The following ZCCHC4 variants were observed in gnomAD, a reference collection of about 807,000 sequenced individuals.
The protein encoded by ZCCHC4 is zinc finger CCHC-type containing 4.
A neutral mutation model predicts 67.7 loss-of-function variants in ZCCHC4; 54 were observed. That is an observed-to-expected ratio of 0.80 (90% CI 0.64 to 1.00). The LOEUF (loss-of-function observed/expected upper bound fraction) is 1.00, where lower values mean the gene tolerates loss of function less well. ZCCHC4 is among the 50% of genes least tolerant of loss of function. The pLI, the probability that ZCCHC4 is intolerant of heterozygous loss-of-function variation, is 0.00. For missense variants in ZCCHC4, 609 were observed against 617.0 expected, an observed-to-expected ratio of 0.99 and a Z score of 0.14; for synonymous variants, 198 against 213.5, an observed-to-expected ratio of 0.93 and a Z score of 0.63.
Position 25,321,211 on chromosome 4 carries a change from G to A in ZCCHC4, c.329+5811G>A, listed in dbSNP as rs368874341. On this transcript the variant is annotated intron_variant, in intron 3 of 12. Coordinates refer to ENST00000302874, the MANE Select transcript of ZCCHC4 (RefSeq NM_024936.3). ...TTCTCTCTCTTTCACTCTTGCTGCC[G>A]CTCTTTCTTCCTTTCCTTTTCTTTC... Among the ~76,000 whole-genome samples, 36 of 150,658 alleles carry A rather than the reference G, an allele frequency of 2.4e-4. No homozygotes were observed. The East Asian group carries it at 2.9e-3, about 12-fold the overall frequency.
intron 8 of ZCCHC4, among the ~76,000 whole-genome samples, chr4:25,356,547 G>A (rs1272844341): frequency 6.6e-6 from 1 of 151,680 alleles, no homozygotes; most frequent in Non-Finnish European, 1.5e-5. Context: ...TAACCATAAA[G>A]AAATTGTTCT....
chr4:25,333,294 TA>T lies in ZCCHC4; in HGVS notation c.443del (p.Asn148MetfsTer7). On this transcript the variant is annotated frameshift_variant, in exon 4 of 13. Transcript: ENST00000302874. LOFTEE classifies it high-confidence loss of function. ...AACATAGTGAGCATCAGGTTCTGGG[TA>T]ATGTGTCCATTACCCAGTTAAGAAG... ...GQHSEHQVLGNVSITQLRRPS... is the reference protein window; with the variant it reads ...GQHSEHQVLGXVSITQLRRPS... 1 of 1,614,142 alleles carries T rather than the reference TA, an allele frequency of 6.2e-7. No individual in the cohort carries two copies. The highest frequency in any genetic ancestry group is 8.5e-7 in the Non-Finnish European group (1 of 1,180,004).
At chr4:25,336,275 A>G (rs1053803609) in intron 5 of ZCCHC4, among the ~76,000 whole-genome samples, 1 of 152,112 alleles carries the variant, frequency 6.6e-6, no homozygotes, top group African/African-American at 2.4e-5. Context: ...ACTTAGCATC[A>G]TGTTTTCAAG....
rs1241294387 is a variant in ZCCHC4 at position 25,322,170 on chromosome 4, ATTTG to A, written c.329+6782_329+6785del. The stretch of plus-strand genomic sequence containing the variant: ...AGGCTGACAGGCTCTCTTTTTATTT[ATTTG>A]TTTGTTTGTTTTTGAGGTAGGGTCT... On this transcript the variant is annotated intron_variant, in intron 3 of 12. Transcript: ENST00000302874. Among the ~76,000 whole-genome samples the A allele has an allele frequency of 1.1e-4, 16 of 152,162 alleles. No homozygotes were observed. The East Asian group carries it at 2.9e-3, about 28-fold the overall frequency.
rs533007348 is a variant in ZCCHC4 at position 25,369,147 on chromosome 4, C to G, written c.1525C>G (p.Gln509Glu). ...RRKKRRERAH[Q>E]YLGS ...AAAGAAAAGGAGGGAAAGAGCCCAT[C>G]AATATCTTGGCTCTTAAATGTCCAG... Residue 509 changes from glutamine (Q) to glutamate (E), a missense_variant, in exon 13 of 13, where the codon CAA (glutamine) becomes GAA (glutamate). Coordinates refer to ENST00000302874, the MANE Select transcript of ZCCHC4 (RefSeq NM_024936.3). The G allele has an allele frequency of 6.2e-7, 1 of 1,612,676 alleles. No homozygotes were observed. The highest frequency in any genetic ancestry group is 1.1e-5 in the South Asian group (1 of 90,664).
Position 25,369,035 on chromosome 4 carries a change from C to T in ZCCHC4, c.1413C>T (p.Val471=). Reference sequence around the variant, plus strand: ...TTAGCACCTTGTTTTCCAGAGCTGTCAGAAAGCAGAAGCAAAGAAAAAGTA... The same window carrying T: ...TTAGCACCTTGTTTTCCAGAGCTGTTAGAAAGCAGAAGCAAAGAAAAAGTA... ...IATSKRANKA[V]RKQKQRKSNK... The change falls in exon 13 of 13, where the codon GTC becomes GTT. Residue 471 remains valine, a synonymous_variant. Coordinates refer to ENST00000302874, the MANE Select transcript of ZCCHC4 (RefSeq NM_024936.3). The T allele has an allele frequency of 1.9e-6, 3 of 1,609,330 alleles. No homozygotes were observed. The highest frequency in any genetic ancestry group is 2.5e-6 in the Non-Finnish European group (3 of 1,178,948).
intron 7 of ZCCHC4, 132 bp downstream of exon 7, chr4:25,349,774 A>C: frequency 1.1e-6 from 1 of 926,758 alleles, no homozygotes; most frequent in East Asian, 2.6e-5. Context: ...AAACAGGCTT[A>C]TTTGATGTTG....
At chr4:25,345,669 G>C in intron 6 of ZCCHC4, 49 bp downstream of exon 6, 1 of 1,245,414 alleles carries the variant, frequency 8.0e-7, no homozygotes, top group East Asian at 2.4e-5. Context: ...TGGAATAACA[G>C]ATTTCAGAGT....
At position 25,333,174 on chromosome 4, in the gene ZCCHC4, G is replaced by A; in HGVS notation, c.330-9G>A. The A allele has an allele frequency of 6.2e-7, 1 of 1,606,744 alleles. No homozygotes were observed. The highest frequency in any genetic ancestry group is 8.5e-7 in the Non-Finnish European group (1 of 1,175,100). On this transcript the variant is annotated splice_polypyrimidine_tract_variant and intron_variant, in intron 3 of 12. Coordinates refer to ENST00000302874, the MANE Select transcript of ZCCHC4 (RefSeq NM_024936.3). ...AATATATTTCTTTGTGTTTTATTTT[G>A]TCTTGAAGGTACTTGAAGTTTATTG...
intron 1 of ZCCHC4, 93 bp downstream of exon 1, chr4:25,313,029 CCT>C (rs1718040124): frequency 2.6e-6 from 4 of 1,522,844 alleles, no homozygotes; most frequent in Admixed American, 1.9e-5. Context: ...TTTTTACCCG[CCT>C]CTTTCCCTCA....
At position 25,353,614 on chromosome 4, in the gene ZCCHC4, C is replaced by T. The variant is rs959240743; in HGVS notation, c.1011+1925C>T. ...GCAATGTTTGGCACACAGTAGGTGC[C>T]ATGTATATGTCAAATGGATAACTGA... is the stretch of plus-strand genomic sequence containing the variant. On this transcript the variant is annotated intron_variant, in intron 8 of 12. Coordinates refer to ENST00000302874, the MANE Select transcript of ZCCHC4 (RefSeq NM_024936.3). Among the ~76,000 whole-genome samples the T allele has an allele frequency of 2.6e-5, 4 of 152,164 alleles. No homozygotes were observed. The South Asian group carries it at 8.3e-4, about 32-fold the overall frequency.
chr4:25,342,143 T>C (rs1399465199), intron 5 of ZCCHC4, among the ~76,000 whole-genome samples: 1 of 152,186 alleles, frequency 6.6e-6, no homozygotes, highest in Non-Finnish European at 1.5e-5. Context: ...CAATAGTTCT[T>C]AAGAGAGAGC....
At chr4:25,323,504 A>G (rs540370525) in intron 3 of ZCCHC4, among the ~76,000 whole-genome samples, 33 of 152,150 alleles carry the variant, frequency 2.2e-4, no homozygotes, top group African/African-American at 7.7e-4. Context: ...CACTTTTGGA[A>G]TTTGATTTAA....
chr4:25,324,003 CTG>C (rs1238348474), intron 3 of ZCCHC4, among the ~76,000 whole-genome samples: 1 of 40,506 alleles, frequency 2.5e-5, no homozygotes, highest in Admixed American at 2.4e-4. Context: ...ACAGTATGTA[CTG>C]TTTTTTGTGT....
intron 8 of ZCCHC4, among the ~76,000 whole-genome samples, chr4:25,355,599 C>T (rs78082372): frequency 0.01 from 1,585 of 152,218 alleles, 37 homozygotes; most frequent in African/African-American, 0.035. Context: ...TTGCTTTTGT[C>T]AAAGCTATCC....
intron 3 of ZCCHC4, among the ~76,000 whole-genome samples, chr4:25,326,888 A>G (rs1026435146): frequency 3.3e-5 from 5 of 152,168 alleles, no homozygotes; most frequent in African/African-American, 1.2e-4. Context: ...TGTAATTTTC[A>G]GTGCACTGCA....
intron 3 of ZCCHC4, among the ~76,000 whole-genome samples, chr4:25,318,989 T>C (rs1718427983): frequency 6.6e-6 from 1 of 152,162 alleles, no homozygotes; most frequent in Non-Finnish European, 1.5e-5. Flanking sequence ...TATTGAAGGC[T>C]CAAAAAGCAT....
intron 3 of ZCCHC4, among the ~76,000 whole-genome samples, chr4:25,317,776 G>GTT (rs1718348619): frequency 6.8e-6 from 1 of 147,414 alleles, no homozygotes; most frequent in Non-Finnish European, 1.5e-5. Context: ...TGTGCTAGGT[G>GTT]TTTTACATGA....
At chr4:25,313,051 T>C (rs1718041554) in intron 1 of ZCCHC4, 115 bp downstream of exon 1, 1 of 1,436,028 alleles carries the variant, frequency 7.0e-7, no homozygotes, top group African/African-American at 1.4e-5. Context: ...ACCAGTGTGC[T>C]GCCTAGAAAA....
Sources: gnomAD v4.1 joint callset for allele counts (sites outside exome capture counted in the v4.1 genomes callset) on GRCh38, gnomAD v4.1.1 for gene constraint, MANE v1.5 for transcripts, NCBI Gene and HGNC (gene_info 2026-07-23, HGNC 2026-07-21) for gene names.